UST: variants seen among roughly 807,000 people sequenced by gnomAD.
UST encodes the protein uronyl 2-sulfotransferase, also known as chondroitin sulfate 2-O-sulfotransferase.
UST carries 21 observed loss-of-function variants against 45.6 expected under a neutral mutation model. The observed-to-expected ratio is 0.46, with a 90% confidence interval of 0.33 to 0.66. UST has a LOEUF of 0.66. UST is among the 30% of genes least tolerant of loss of function. The pLI, the probability that UST is intolerant of heterozygous loss-of-function variation, is 0.02. For synonymous variants in UST, 215 were observed against 200.6 expected (o/e 1.07, Z -0.61); for missense variants, 463 against 512.4 (o/e 0.90, Z 0.93).
intron 7 of UST, among the ~76,000 whole-genome samples, chr6:149,042,421 G>A (rs1013213742): frequency 4.0e-4 from 61 of 152,186 alleles, no homozygotes; most frequent in African/African-American, 1.4e-3. Flanking sequence ...TGTGGGCAGA[G>A]GGTTAAATCT....
chr6:148,970,216 G>C (rs923551090), intron 5 of UST, among the ~76,000 whole-genome samples: 2 of 152,176 alleles, frequency 1.3e-5, no homozygotes, highest in African/African-American at 4.8e-5. Flanking sequence ...ATGGGTGAAG[G>C]AGGGGGCAAG....
intron 4 of UST, among the ~76,000 whole-genome samples, chr6:148,954,329 G>C (rs943336944): frequency 6.6e-6 from 1 of 152,170 alleles, no homozygotes; most frequent in Non-Finnish European, 1.5e-5. Flanking sequence ...AAATAATTTA[G>C]TGCTAGAGTA....
chr6:148,815,011 T>G (rs1777329272), intron 1 of UST, among the ~76,000 whole-genome samples: 1 of 152,128 alleles, frequency 6.6e-6, no homozygotes, highest in South Asian at 2.1e-4. Flanking sequence ...TAATAAAAGA[T>G]TGAAAGCAAC....
At chr6:148,873,457 G>A (rs1022640602) in intron 1 of UST, among the ~76,000 whole-genome samples, 1 of 152,164 alleles carries the variant, frequency 6.6e-6, no homozygotes, top group Non-Finnish European at 1.5e-5. Flanking sequence ...CACTCTGCCT[G>A]AAGTACACAT....
chr6:149,064,916 G>A (rs1270862931), intron 7 of UST, among the ~76,000 whole-genome samples: 2 of 151,802 alleles, frequency 1.3e-5, no homozygotes, highest in African/African-American at 4.8e-5. Context: ...ATACCCCACG[G>A]GCCAAACAAC....
chr6:149,073,709 T>A, intron 7 of UST, 124 bp from the exon 8 acceptor site: 1 of 1,107,962 alleles, frequency 9.0e-7, no homozygotes, highest in Non-Finnish European at 1.3e-6. Context: ...TCTCTTCTAA[T>A]ACTTGGATAT....
At chr6:149,011,418 C>T (rs889578899) in intron 5 of UST, among the ~76,000 whole-genome samples, 3 of 152,024 alleles carry the variant, frequency 2.0e-5, no homozygotes, top group Non-Finnish European at 4.4e-5. Flanking sequence ...AACAGTGTGA[C>T]TCTGGTCAAA....
At chr6:148,911,273 A>G (rs1188443392) in intron 2 of UST, among the ~76,000 whole-genome samples, 1 of 152,204 alleles carries the variant, frequency 6.6e-6, no homozygotes, top group Non-Finnish European at 1.5e-5. Context: ...TCTGAGAGGT[A>G]GAGCCTCAGA....
intron 1 of UST, among the ~76,000 whole-genome samples, chr6:148,766,735 A>G (rs1776331590): frequency 6.6e-6 from 1 of 152,194 alleles, no homozygotes; most frequent in Non-Finnish European, 1.5e-5. Flanking sequence ...AACCTGGAGA[A>G]CTTTGGAGAA....
At chr6:148,879,058 T>C (rs1778776163) in intron 1 of UST, among the ~76,000 whole-genome samples, 1 of 152,132 alleles carries the variant, frequency 6.6e-6, no homozygotes, top group Non-Finnish European at 1.5e-5. Flanking sequence ...AAATTTATTC[T>C]TGAAAAGATC....
At chr6:148,960,062 G>A (rs1780616891) in intron 4 of UST, among the ~76,000 whole-genome samples, 1 of 152,048 alleles carries the variant, frequency 6.6e-6, no homozygotes, top group African/African-American at 2.4e-5. Context: ...GCCGAGGCAG[G>A]CGGATCACTT....
At chr6:149,070,350 T>C (rs1427131826) in intron 7 of UST, among the ~76,000 whole-genome samples, 1 of 152,238 alleles carries the variant, frequency 6.6e-6, no homozygotes, top group Non-Finnish European at 1.5e-5. Context: ...AGAGTTCATA[T>C]CTTCAGAGAA....
intron 1 of UST, among the ~76,000 whole-genome samples, chr6:148,755,175 C>T (rs1357691307): frequency 6.6e-6 from 1 of 152,074 alleles, no homozygotes; most frequent in African/African-American, 2.4e-5. Context: ...GTTCCTTATA[C>T]AATATATGAA....
At chr6:148,833,923 T>C (rs1777738587) in intron 1 of UST, among the ~76,000 whole-genome samples, 1 of 152,260 alleles carries the variant, frequency 6.6e-6, no homozygotes, top group South Asian at 2.1e-4. Context: ...GAAGTGTTTT[T>C]CTTATCAATA....
intron 2 of UST, among the ~76,000 whole-genome samples, chr6:148,932,958 C>T (rs1200100309): frequency 6.6e-6 from 1 of 152,140 alleles, no homozygotes; most frequent in East Asian, 1.9e-4. Flanking sequence ...TCATTAGGTT[C>T]AGTGCCCTCA....
chr6:148,837,678 A>G (rs547486874), intron 1 of UST, among the ~76,000 whole-genome samples: 117 of 150,868 alleles, frequency 7.8e-4, no homozygotes, highest in African/African-American at 2.7e-3. Context: ...CAAGAGATAC[A>G]AGGTCCCTCT....
chr6:148,791,191 GCGT>G (rs963155631), intron 1 of UST, among the ~76,000 whole-genome samples: 11 of 152,204 alleles, frequency 7.2e-5, no homozygotes, highest in African/African-American at 2.7e-4. Flanking sequence ...GTAGAGGCCA[GCGT>G]TGTTGCTAAA....
chr6:148,935,173 A>G (rs1779995840), intron 2 of UST, among the ~76,000 whole-genome samples: 1 of 152,202 alleles, frequency 6.6e-6, no homozygotes, highest in African/African-American at 2.4e-5. Flanking sequence ...GGCACGCTCC[A>G]CACAGGCCTG....
chr6:148,910,165 A>G (rs1403927403), intron 2 of UST, among the ~76,000 whole-genome samples: 1 of 122,006 alleles, frequency 8.2e-6, no homozygotes, highest in African/African-American at 3.3e-5. Context: ...TTTGAGACAG[A>G]GTTTCACTCT....
Sources: gnomAD v4.1 joint callset for allele counts (sites outside exome capture counted in the v4.1 genomes callset) on GRCh38, gnomAD v4.1.1 for gene constraint, MANE v1.5 for transcripts, NCBI Gene and HGNC (gene_info 2026-07-23, HGNC 2026-07-21) for gene names.